Variants in ZNF383 observed in about 807,000 individuals in gnomAD.
The protein encoded by ZNF383 is zinc finger protein 383.
ZNF383 carries 32 observed loss-of-function variants against 44.2 expected under a neutral mutation model. The ratio of observed to expected loss-of-function variants is 0.72; its 90% CI spans 0.55 to 0.97. ZNF383 has a LOEUF of 0.97. ZNF383 is among the 50% of genes least tolerant of loss of function. The probability of loss-of-function intolerance (pLI) is 0.00; values close to 1 mark genes in which losing one functional copy is unlikely to be tolerated. For missense variants in ZNF383, 487 were observed against 562.5 expected (o/e 0.87, Z 1.36); for synonymous variants, 155 against 186.2 (o/e 0.83, Z 1.36).
rs764193050 is a variant in ZNF383 at position 37,242,775 on chromosome 19, G to T, written c.539G>T (p.Ser180Ile). The change falls in exon 6 of 6, where the codon AGT becomes ATT. Residue 180 changes from serine to isoleucine, a missense_variant. Physicochemically the swap from Ser to Ile is moderately radical, Grantham distance 142. Transcript: ENST00000684119. ...YECKKCGKAF[S>I]QNSQFIQHQR... ...TGTAAGAAATGTGGAAAGGCCTTTA[G>T]TCAGAACTCACAATTTATTCAACAT... The T allele has an allele frequency of 3.7e-6, 6 of 1,614,102 alleles. No homozygotes were observed. The East Asian group carries it at 1.1e-4, about 30-fold the overall frequency.
At chr19:37,218,535 G>A (rs1237415436) in intron 1 of ZNF383, among the ~76,000 whole-genome samples, 1 of 152,148 alleles carries the variant, frequency 6.6e-6, no homozygotes, top group Non-Finnish European at 1.5e-5. Flanking sequence ...TGTGTCCCGT[G>A]TTGGGACTGT....
intron 4 of ZNF383, 32 bp downstream of exon 4, chr19:37,235,707 C>G: frequency 1.3e-6 from 2 of 1,558,396 alleles, no homozygotes; most frequent in Non-Finnish European, 1.7e-6. Context: ...ATTCCCAGTT[C>G]TCCTCTGGAA....
chr19:37,224,593 C>A (rs1218127616), intron 1 of ZNF383, among the ~76,000 whole-genome samples: 4 of 151,990 alleles, frequency 2.6e-5, no homozygotes, highest in African/African-American at 9.7e-5. Context: ...CACTCTGTCA[C>A]CCAGGCTGGA....
chr19:37,248,561 A>T lies in ZNF383; in HGVS notation c.*4897A>T, dbSNP rs1974446425. ...CAGGAACCAAATAGATGTGGATAGC[A>T]TGGGATTTTTGGAATACAAGATAAG... On this transcript the variant is annotated 3_prime_UTR_variant, in exon 6 of 6. Transcript: ENST00000684119. 1 of 152,212 alleles carries T rather than the reference A, an allele frequency of 6.6e-6. No homozygotes were observed. The highest frequency in any genetic ancestry group is 1.5e-5 in the Non-Finnish European group (1 of 68,034). The allele number at this position is 152,212 out of a possible 1,614,324, so 9.4% of individuals were successfully genotyped here.
intron 4 of ZNF383, 120 bp from the exon 5 acceptor site, chr19:37,235,859 A>G: frequency 8.3e-7 from 1 of 1,201,916 alleles, no homozygotes; most frequent in Non-Finnish European, 1.2e-6. Flanking sequence ...CTGTGGTTGA[A>G]GCTTCATCTT....
chr19:37,238,351 T>C lies in ZNF383; in HGVS notation c.232+2277T>C, dbSNP rs1016462658. Among the ~76,000 whole-genome samples the C allele has an allele frequency of 5.3e-5, 8 of 150,130 alleles. No individual in the cohort carries two copies. The Admixed American group carries it at 5.3e-4, about 10-fold the overall frequency. The stretch of plus-strand genomic sequence containing the variant: ...CTTACATTTATCTACATGTAACTAA[T>C]ATATTGGTATAGTATAAATATATAT... On this transcript the variant is annotated intron_variant, in intron 5 of 5. Coordinates refer to ENST00000684119, the MANE Select transcript of ZNF383 (RefSeq NM_001387601.1).
At chr19:37,237,084 GTT>G (rs1973851861) in intron 5 of ZNF383, among the ~76,000 whole-genome samples, 1 of 151,806 alleles carries the variant, frequency 6.6e-6, no homozygotes, top group South Asian at 2.1e-4. Context: ...TGTCTTCAAT[GTT>G]TCCTTTATGG....
rs1974333508 is a variant in ZNF383, at chr19:37,245,489, T to C, written c.*1825T>C. 7.4e-6 allele frequency: 1 copy of C among 135,338 alleles called. No individual in the cohort carries two copies. The highest frequency in any genetic ancestry group is 3.2e-5 in the African/African-American group (1 of 31,100). The allele number at this position is 135,338 out of a possible 1,614,324, so 8.4% of individuals were successfully genotyped here. A position where few individuals can be genotyped will look rare whatever the true frequency, so the allele number is the denominator to read the frequency against. On this transcript the variant is annotated 3_prime_UTR_variant, in exon 6 of 6. Coordinates refer to ENST00000684119, the MANE Select transcript of ZNF383 (RefSeq NM_001387601.1). ...TTTTTTGTTTGTTTGTTTTTTTTTT[T>C]TTTTGAGATGGAGTTCACTCTGTTG...
At chr19:37,224,012 C>T (rs758546946) in intron 1 of ZNF383, among the ~76,000 whole-genome samples, 17 of 150,800 alleles carry the variant, frequency 1.1e-4, no homozygotes, top group Non-Finnish European at 1.8e-4. Context: ...CCAGCCTGGG[C>T]GGCAGAGTGA....
At chr19:37,236,625 C>T (rs1973809422) in intron 5 of ZNF383, among the ~76,000 whole-genome samples, 1 of 149,980 alleles carries the variant, frequency 6.7e-6, no homozygotes, top group Non-Finnish European at 1.5e-5. Context: ...GGCTGGAGTG[C>T]AGGGTGCGAT....
intron 5 of ZNF383, among the ~76,000 whole-genome samples, chr19:37,239,393 A>G (rs1185533545): frequency 6.6e-6 from 1 of 152,144 alleles, no homozygotes; most frequent in Non-Finnish European, 1.5e-5. Flanking sequence ...GGCATATTGA[A>G]ATATTTATGC....
In ZNF383 at chr19:37,242,543, G is replaced by C. The variant is rs770665342; in HGVS notation, c.307G>C (p.Glu103Gln). The change falls in exon 6 of 6, where the codon GAG becomes CAG. Residue 103 changes from glutamate (E) to glutamine (Q), a missense_variant. By Grantham distance (29) the Glu-to-Gln change is conservative. Transcript: ENST00000684119. ...EVYEIELCQR[E>Q]IMGLTKHGLE... ...TTATGAAATAGAATTATGCCAGAGG[G>C]AGATAATGGGACTTACAAAGCATGG... 133 of 1,613,818 alleles carry C rather than the reference G, an allele frequency of 8.2e-5. 3 individuals are homozygous for C. In the South Asian group the frequency reaches 1.4e-3, roughly 18 times the overall value.
rs779506910 is a variant in ZNF383, at chr19:37,243,680, CT to C, written c.*17del. 11 of 1,453,474 alleles carry C rather than the reference CT, an allele frequency of 7.6e-6. No homozygotes were observed. The highest frequency in any genetic ancestry group is 6.3e-5 in the South Asian group (4 of 63,848). 90.0% of individuals were successfully genotyped at this position (1,453,474 alleles called of 1,614,324 possible). ...TAATAAATAATAAAAATTAAAGCCC[CT>C]GTCACCTTCCTCATATTTTAAACCA... On this transcript the variant is annotated 3_prime_UTR_variant, in exon 6 of 6. Coordinates refer to ENST00000684119, the MANE Select transcript of ZNF383 (RefSeq NM_001387601.1).
At chr19:37,230,378 C>T in intron 2 of ZNF383, 31 bp from the exon 3 acceptor site, 1 of 1,514,418 alleles carries the variant, frequency 6.6e-7, no homozygotes, top group Non-Finnish European at 9.1e-7. Context: ...CTTCCCCAGT[C>T]ATGCAACCTC....
At position 37,247,620 on chromosome 19, in the gene ZNF383, T is replaced by G. The variant is rs1599813722; in HGVS notation, c.*3956T>G. 1 of 149,426 alleles carries G rather than the reference T, an allele frequency of 6.7e-6. No individual in the cohort carries two copies. Among genetic ancestry groups the G allele is most frequent in the African/African-American group, 2.5e-5 (1 of 40,494 alleles). 9.3% of individuals were successfully genotyped at this position (149,426 alleles called of 1,614,324 possible). Reference sequence around the variant, plus strand: ...TAGGAGAATGGCTTGAGGCCAGGAGTTCAAGACCAGTCTAGGTAACATAAT... The same window carrying G: ...TAGGAGAATGGCTTGAGGCCAGGAGGTCAAGACCAGTCTAGGTAACATAAT... On this transcript the variant is annotated 3_prime_UTR_variant, in exon 6 of 6. Coordinates refer to ENST00000684119, the MANE Select transcript of ZNF383 (RefSeq NM_001387601.1).
At chr19:37,232,288 T>C (rs1030100649) in intron 3 of ZNF383, among the ~76,000 whole-genome samples, 3 of 152,078 alleles carry the variant, frequency 2.0e-5, no homozygotes, top group Non-Finnish European at 4.4e-5. Flanking sequence ...TTGGCCAGAC[T>C]GGTCTTGAAC....
rs371914216 is a variant in ZNF383, at chr19:37,245,157, C to A, written c.*1493C>A. ...GGGCGTGGTGGCATGTACCTGTAAT[C>A]CCAGCTACTCGGGAGGCTGAGACAG... On this transcript the variant is annotated 3_prime_UTR_variant, in exon 6 of 6. Transcript: ENST00000684119. 1 of 152,076 alleles carries A rather than the reference C, an allele frequency of 6.6e-6. No homozygotes were observed. The highest frequency in any genetic ancestry group is 1.5e-5 in the Non-Finnish European group (1 of 68,106). 9.4% of individuals were successfully genotyped at this position (152,076 alleles called of 1,614,324 possible).
intron 2 of ZNF383, among the ~76,000 whole-genome samples, chr19:37,228,423 A>G (rs994943534): frequency 2.0e-5 from 3 of 150,762 alleles, no homozygotes; most frequent in African/African-American, 2.4e-5. Context: ...ATTAATATTT[A>G]TATATAATTA....
intron 3 of ZNF383, among the ~76,000 whole-genome samples, chr19:37,232,364 G>A (rs993286552): frequency 3.3e-5 from 5 of 151,868 alleles, no homozygotes; most frequent in Admixed American, 6.6e-5. Context: ...CACCATGCCC[G>A]GCCAAAAATG....
Sources: allele counts gnomAD v4.1 joint callset (sites outside exome capture counted in the v4.1 genomes callset), GRCh38; gene constraint gnomAD v4.1.1; transcripts MANE v1.5; gene names NCBI Gene and HGNC (gene_info 2026-07-23, HGNC 2026-07-21).